SAP130: variants seen among roughly 807,000 people sequenced by gnomAD.
The protein encoded by SAP130 is histone deacetylase complex subunit SAP130.
In SAP130, 16 loss-of-function variants were observed where a neutral mutation model predicts 103.2. That is an observed-to-expected ratio of 0.16 (90% CI 0.10 to 0.24). The LOEUF is 0.24. Among genes scored for constraint, SAP130 ranks in the 10% least tolerant of loss-of-function variants. The probability of loss-of-function intolerance (pLI) is 1.00; values close to 1 mark genes in which losing one functional copy is unlikely to be tolerated. For synonymous variants in SAP130, 477 were observed against 497.0 expected (o/e 0.96, Z 0.53); for missense variants, 990 against 1,359.7 (o/e 0.73, Z 4.28).
In SAP130 at chr2:128,026,308, A is replaced by G. The variant is rs757184710; in HGVS notation, c.-6-10T>C. On this transcript the variant is annotated splice_polypyrimidine_tract_variant and intron_variant, in intron 1 of 20. Transcript: ENST00000643581. ...GAGAACTCATTTCCACCTGTAGTAC[A>G]TACAGTTATATGGTTATTACTAGAT... 6.5e-7 allele frequency: 1 copy of G among 1,545,760 alleles called. No homozygotes were observed.
chr2:128,006,709 G>A (rs1683999463), intron 7 of SAP130, among the ~76,000 whole-genome samples: 1 of 152,228 alleles, frequency 6.6e-6, no homozygotes, highest in African/African-American at 2.4e-5. Context: ...GGGCCTAGGA[G>A]GTCAAGGCTG....
intron 7 of SAP130, among the ~76,000 whole-genome samples, chr2:128,002,286 A>C (rs1452537706): frequency 6.6e-6 from 1 of 152,210 alleles, no homozygotes; most frequent in Non-Finnish European, 1.5e-5. Context: ...TCACGTCTGT[A>C]ATCCTAGCAT....
In SAP130 at chr2:127,941,803, G is replaced by A. The variant is rs989146092; in HGVS notation, c.*203C>T. On this transcript the variant is annotated 3_prime_UTR_variant, in exon 21 of 21. Coordinates refer to ENST00000643581, the MANE Select transcript of SAP130 (RefSeq NM_001330301.2). Reference sequence around the variant, plus strand: ...GATCAGGTTTAACAGGGGTGCACCCGAACGCAAGAAGGCAGCTCACTATGT... The same window carrying A: ...GATCAGGTTTAACAGGGGTGCACCCAAACGCAAGAAGGCAGCTCACTATGT... The A allele has an allele frequency of 7.4e-5, 42 of 564,890 alleles. No homozygotes were observed. The highest frequency in any genetic ancestry group is 1.0e-4 in the Non-Finnish European group (34 of 324,652). The allele number at this position is 564,890 out of a possible 1,614,324, so 35.0% of individuals were successfully genotyped here.
chr2:128,007,102 T>C (rs1684036684), intron 7 of SAP130, among the ~76,000 whole-genome samples: 1 of 152,174 alleles, frequency 6.6e-6, no homozygotes, highest in Non-Finnish European at 1.5e-5. Flanking sequence ...GACAAAACGA[T>C]TAAAAATAAA....
chr2:128,021,901 T>G (rs1222500721), intron 2 of SAP130, among the ~76,000 whole-genome samples: 1 of 152,242 alleles, frequency 6.6e-6, no homozygotes, highest in Non-Finnish European at 1.5e-5. Flanking sequence ...AGCCCATTCA[T>G]ATATATCTTC....
chr2:127,976,820 G>C (rs1162796072), intron 15 of SAP130, among the ~76,000 whole-genome samples: 2 of 152,206 alleles, frequency 1.3e-5, no homozygotes, highest in Non-Finnish European at 2.9e-5. Context: ...TGAGGCAGGA[G>C]AATTACTTGA....
At chr2:128,012,812 TTC>T (rs1420794993) in intron 6 of SAP130, among the ~76,000 whole-genome samples, 3 of 151,714 alleles carry the variant, frequency 2.0e-5, no homozygotes, top group Admixed American at 6.6e-5. Flanking sequence ...TCCTCTTCAC[TTC>T]TCTGATTCCT....
chr2:127,952,655 T>C (rs1399493002), intron 16 of SAP130, among the ~76,000 whole-genome samples: 5 of 152,188 alleles, frequency 3.3e-5, no homozygotes, highest in Non-Finnish European at 5.9e-5. Context: ...GACTTCTGTT[T>C]GCCAAATCCA....
intron 16 of SAP130, among the ~76,000 whole-genome samples, chr2:127,954,342 C>G (rs951640989): frequency 3.9e-5 from 6 of 151,968 alleles, no homozygotes; most frequent in African/African-American, 1.5e-4. Flanking sequence ...GGTACCAGAG[C>G]ACAAATAACT....
intron 16 of SAP130, among the ~76,000 whole-genome samples, 158 bp downstream of exon 16, chr2:127,954,825 ACTG>A (rs1679719640): frequency 6.6e-6 from 1 of 152,240 alleles, no homozygotes; most frequent in African/African-American, 2.4e-5. Flanking sequence ...CAATGAGTTT[ACTG>A]CTTTCTTCTA....
intron 6 of SAP130, among the ~76,000 whole-genome samples, chr2:128,012,443 C>G (rs2105178337): frequency 6.6e-6 from 1 of 152,156 alleles, no homozygotes; most frequent in South Asian, 2.1e-4. Flanking sequence ...GCACTTCAGC[C>G]TGGGCAACAG....
At chr2:127,964,834 TA>T (rs35985087) in intron 15 of SAP130, among the ~76,000 whole-genome samples, 2 of 151,948 alleles carry the variant, frequency 1.3e-5, no homozygotes, top group African/African-American at 4.8e-5. Flanking sequence ...CCGTCTCTAC[TA>T]AAAATTCAAA....
At chr2:127,983,225 A>T (rs1331176207) in intron 14 of SAP130, among the ~76,000 whole-genome samples, 2 of 152,246 alleles carry the variant, frequency 1.3e-5, no homozygotes, top group Admixed American at 1.3e-4. Context: ...GGTACTACTG[A>T]GCAACTGAAA....
chr2:128,004,715 A>G (rs977359571), intron 7 of SAP130, among the ~76,000 whole-genome samples: 7 of 152,182 alleles, frequency 4.6e-5, no homozygotes, highest in Admixed American at 3.9e-4. Context: ...AGACACAGAC[A>G]CAGATAAGCC....
intron 11 of SAP130, among the ~76,000 whole-genome samples, chr2:127,995,259 C>T (rs1317567759): frequency 6.6e-6 from 1 of 152,184 alleles, no homozygotes; most frequent in Non-Finnish European, 1.5e-5. Flanking sequence ...CAAGGGGCTC[C>T]TTGGAGAAAC....
At chr2:127,966,186 C>CA (rs1375643305) in intron 15 of SAP130, among the ~76,000 whole-genome samples, 4 of 150,916 alleles carry the variant, frequency 2.7e-5, no homozygotes, top group South Asian at 4.2e-4. Context: ...ACTAAAAATA[C>CA]AAAAAAATAA....
Position 127,986,659 on chromosome 2 carries a change from G to A in SAP130, c.1958+126C>T, listed in dbSNP as rs1181393469. The A allele has an allele frequency of 2.8e-6, 3 of 1,073,774 alleles. No homozygotes were observed. The highest frequency in any genetic ancestry group is 4.6e-5 in the Admixed American group (2 of 43,206). 66.5% of individuals were successfully genotyped at this position (1,073,774 alleles called of 1,614,324 possible). ...ATCCTGTGGTCAAGTTGTTTTGGAGGAAATTTTAACACACCACAGAAAATG... is the reference window on the plus strand; with the variant it reads ...ATCCTGTGGTCAAGTTGTTTTGGAGAAAATTTTAACACACCACAGAAAATG... On this transcript the variant is annotated intron_variant, in intron 14 of 20. Coordinates refer to ENST00000643581, the MANE Select transcript of SAP130 (RefSeq NM_001330301.2). The surrounding 1 kb of genome is among the most constrained non-coding windows in gnomAD (Gnocchi z 4.7).
chr2:127,963,432 G>A (rs942794586), intron 15 of SAP130, among the ~76,000 whole-genome samples: 2 of 152,130 alleles, frequency 1.3e-5, no homozygotes, highest in Non-Finnish European at 2.9e-5. Context: ...GTTTGGCCAT[G>A]TTGCCCAAGC....
At chr2:127,997,773 A>C (rs915916703) in intron 10 of SAP130, among the ~76,000 whole-genome samples, 2 of 152,194 alleles carry the variant, frequency 1.3e-5, no homozygotes, top group South Asian at 4.1e-4. Context: ...GTAACCAGAC[A>C]TACCCCACCA....
Sources: gnomAD v4.1 joint callset for allele counts (sites outside exome capture counted in the v4.1 genomes callset) on GRCh38, gnomAD v4.1.1 for gene constraint, Gnocchi (gnomAD v3.1) non-coding constraint, MANE v1.5 for transcripts, NCBI Gene and HGNC (gene_info 2026-07-23, HGNC 2026-07-21) for gene names.